The following ESR1 variants were observed in gnomAD, a reference collection of about 807,000 sequenced individuals.
ESR1 encodes estrogen receptor.
A neutral mutation model predicts 52.7 loss-of-function variants in ESR1; 12 were observed. The observed-to-expected ratio is 0.23, with a 90% CI of 0.15 to 0.37. The LOEUF (loss-of-function observed/expected upper bound fraction) is 0.37. Ranked by LOEUF, ESR1 falls within the 10% of genes least tolerant of loss-of-function variation. The pLI, the probability that ESR1 is intolerant of heterozygous loss-of-function variation, is 1.00. For synonymous variants in ESR1, 305 were observed against 316.8 expected (o/e 0.96, Z 0.39); for missense variants, 584 against 779.7 (o/e 0.75, Z 2.99).
chr6:152,072,338 G>A (rs903733807), intron 6 of ESR1, among the ~76,000 whole-genome samples: 2 of 152,094 alleles, frequency 1.3e-5, no homozygotes, highest in African/African-American at 4.8e-5. Flanking sequence ...TCTGTTTTGG[G>A]CTCTTTGCCA....
chr6:151,770,780 CA>C (rs1019496322), intron 2 of ESR1, among the ~76,000 whole-genome samples: 1 of 151,732 alleles, frequency 6.6e-6, no homozygotes, highest in Non-Finnish European at 1.5e-5. Context: ...CAATGGGAGG[CA>C]CAAGGAGTTT....
intron 2 of ESR1, among the ~76,000 whole-genome samples, chr6:151,771,202 G>A (rs1364754493): frequency 6.6e-6 from 1 of 152,160 alleles, no homozygotes; most frequent in Non-Finnish European, 1.5e-5. Flanking sequence ...CCGTTCTCTA[G>A]CCTGTGATAT....
chr6:151,698,647 G>C (rs1310118896), intron 1 of ESR1, among the ~76,000 whole-genome samples: 1 of 152,158 alleles, frequency 6.6e-6, no homozygotes, highest in Non-Finnish European at 1.5e-5. Context: ...GAAATAAAAG[G>C]CTAGAGCAAC....
intron 2 of ESR1, among the ~76,000 whole-genome samples, chr6:151,774,613 G>A (rs775620804): frequency 4.6e-5 from 7 of 152,208 alleles, no homozygotes; most frequent in Non-Finnish European, 7.3e-5. Flanking sequence ...ACTTCCAACT[G>A]TAGAAGTCTA....
intron 3 of ESR1, among the ~76,000 whole-genome samples, chr6:151,911,729 A>G (rs1414146087): frequency 6.6e-6 from 1 of 152,176 alleles, no homozygotes; most frequent in Non-Finnish European, 1.5e-5. Context: ...AGAAATGACC[A>G]TTTTACTTCC....
At chr6:151,899,745 T>C (rs1365223113) in intron 3 of ESR1, among the ~76,000 whole-genome samples, 2 of 146,566 alleles carry the variant, frequency 1.4e-5, no homozygotes, top group African/African-American at 2.6e-5. Flanking sequence ...GAGACGCTCC[T>C]CACATCCCAG....
intron 2 of ESR1, among the ~76,000 whole-genome samples, chr6:151,878,993 G>A (rs1274078627): frequency 6.6e-6 from 1 of 152,128 alleles, no homozygotes; most frequent in African/African-American, 2.4e-5. Context: ...TACATTCTGA[G>A]TGATCTGCAT....
chr6:151,701,130 G>C (rs1057508074), intron 1 of ESR1, among the ~76,000 whole-genome samples: 2 of 151,874 alleles, frequency 1.3e-5, no homozygotes, highest in African/African-American at 4.8e-5. Context: ...CTGAATCTTC[G>C]TGGTAAAATC....
chr6:151,970,520 T>C (rs976345110), intron 4 of ESR1, among the ~76,000 whole-genome samples: 2 of 152,174 alleles, frequency 1.3e-5, no homozygotes, highest in African/African-American at 4.8e-5. Context: ...CTTGGCCCTT[T>C]GGGGACAGAT....
intron 2 of ESR1, among the ~76,000 whole-genome samples, chr6:151,753,319 ATTTT>A (rs34402963): frequency 6.6e-5 from 9 of 137,356 alleles, no homozygotes; most frequent in Non-Finnish European, 7.9e-5. Context: ...ATTTGATTGC[ATTTT>A]TTTTTTTTTT....
At chr6:151,670,358 C>A (rs552247457) in intron 1 of ESR1, among the ~76,000 whole-genome samples, 2 of 152,296 alleles carry the variant, frequency 1.3e-5, no homozygotes, top group East Asian at 3.9e-4. Context: ...TGGCATTGAT[C>A]TTCACTTGGT....
intron 4 of ESR1, among the ~76,000 whole-genome samples, chr6:152,004,815 A>G (rs945752922): frequency 2.6e-5 from 4 of 152,034 alleles, no homozygotes; most frequent in African/African-American, 7.2e-5. Context: ...CATAGATATC[A>G]TGACCTTCAT....
chr6:151,816,229 T>A (rs991688546), intron 1 of ESR1, among the ~76,000 whole-genome samples: 5 of 152,206 alleles, frequency 3.3e-5, no homozygotes, highest in Non-Finnish European at 7.3e-5. Flanking sequence ...ATTTGCTAAT[T>A]CAGTGTTTGA....
At chr6:151,671,102 G>A (rs1562320634) in intron 1 of ESR1, among the ~76,000 whole-genome samples, 1 of 152,118 alleles carries the variant, frequency 6.6e-6, no homozygotes, top group Non-Finnish European at 1.5e-5. Context: ...GGAGTTAGAG[G>A]AAATTGAGTC....
chr6:152,125,288 G>A (rs2152563165), exon 7 of ESR1: 1 of 1,550,450 alleles, frequency 6.4e-7, no homozygotes, highest in African/African-American at 1.4e-5. Context: ...TAGAAGCAAA[G>A]AAGAGAATCC....
intron 1 of ESR1, among the ~76,000 whole-genome samples, chr6:151,811,485 C>G (rs940517357): frequency 4.6e-5 from 7 of 152,180 alleles, no homozygotes; most frequent in African/African-American, 1.7e-4. Flanking sequence ...TCTCTCACTT[C>G]TCCAAAAAAC....
chr6:151,956,191 G>A (rs138591704), intron 4 of ESR1, among the ~76,000 whole-genome samples: 14 of 152,200 alleles, frequency 9.2e-5, no homozygotes, highest in South Asian at 4.1e-4. Context: ...GAACATACGC[G>A]TTCATGTGTC....
chr6:151,753,657 C>G (rs1244320739), intron 2 of ESR1, among the ~76,000 whole-genome samples: 1 of 152,162 alleles, frequency 6.6e-6, no homozygotes, highest in Non-Finnish European at 1.5e-5. Context: ...CCAGTAGCAA[C>G]AGTTTGGGTG....
At chr6:151,931,416 T>C (rs2033581884) in intron 3 of ESR1, among the ~76,000 whole-genome samples, 1 of 152,190 alleles carries the variant, frequency 6.6e-6, no homozygotes, top group African/African-American at 2.4e-5. Flanking sequence ...CCATCTTTTA[T>C]TGTATGTTGT....
Sources: allele counts gnomAD v4.1 joint callset (sites outside exome capture counted in the v4.1 genomes callset), GRCh38; gene constraint gnomAD v4.1.1; transcripts MANE v1.5; gene names NCBI Gene and HGNC (gene_info 2026-07-23, HGNC 2026-07-21).